The following CELF2 variants were observed in gnomAD, a reference collection of about 807,000 sequenced individuals.
CELF2 encodes the protein CUGBP Elav-like family member 2.
In CELF2, 8 loss-of-function variants were observed where a neutral mutation model predicts 62.6. The ratio of observed to expected loss-of-function variants is 0.13; its 90% CI spans 0.07 to 0.23. The LOEUF is 0.23. Among genes scored for constraint, CELF2 ranks in the 10% least tolerant of loss-of-function variants. CELF2 has a pLI of 1.00. For missense variants in CELF2, 333 were observed against 671.0 expected (o/e 0.50, Z 5.56); for synonymous variants, 258 against 250.0 (o/e 1.03, Z -0.30).
chr10:10,726,243 G>A, the CELF2 span, among the ~76,000 whole-genome samples: 32 of 152,164 alleles, frequency 2.1e-4, no homozygotes, highest in Non-Finnish European at 2.6e-4. Flanking sequence ...GAAGTAGAGG[G>A]TTGGCATCCA....
At chr10:11,083,307 A>C (rs2074524212) in intron 1 of CELF2, among the ~76,000 whole-genome samples, 1 of 152,236 alleles carries the variant, frequency 6.6e-6, no homozygotes, top group South Asian at 2.1e-4. Context: ...AATAATAGGA[A>C]ACAAATGTGT....
chr10:10,558,821 C>G, the CELF2 span, among the ~76,000 whole-genome samples: 9 of 152,078 alleles, frequency 5.9e-5, no homozygotes, highest in African/African-American at 1.9e-4. Context: ...AGTTATTTGC[C>G]TAGAGGGGTT....
At chr10:11,001,672 GT>G (rs1564340209), upstream of CELF2, among the ~76,000 whole-genome samples, 1 of 152,048 alleles carries the variant, frequency 6.6e-6, no homozygotes, top group East Asian at 1.9e-4. Flanking sequence ...TCTTCATCAA[GT>G]TTGCATTATT....
chr10:10,874,213 G>T (rs1014891438), intron 1 of CELF2, among the ~76,000 whole-genome samples: 2 of 152,090 alleles, frequency 1.3e-5, no homozygotes, highest in Non-Finnish European at 2.9e-5. Context: ...AACTACTTGG[G>T]AGGCTGAGGT....
chr10:10,736,658 ATTGAG>A, the CELF2 span, among the ~76,000 whole-genome samples: 2 of 151,720 alleles, frequency 1.3e-5, no homozygotes, highest in African/African-American at 2.4e-5. Context: ...TGGCAAGATG[ATTGAG>A]TTAAGAGGAA....
chr10:10,594,537 A>C, the CELF2 span, among the ~76,000 whole-genome samples: 2 of 152,206 alleles, frequency 1.3e-5, no homozygotes, highest in African/African-American at 4.8e-5. Flanking sequence ...CAACCAGAGG[A>C]AAGAAGAACA....
Position 11,227,638 on chromosome 10 carries a change from A to G in CELF2, c.354+10131A>G, listed in dbSNP as rs1238785924. Among the ~76,000 whole-genome samples the G allele has an allele frequency of 2.0e-5, 3 of 152,218 alleles. No homozygotes were observed. Among genetic ancestry groups the G allele is most frequent in the Non-Finnish European group, 2.9e-5 (2 of 68,034 alleles). Reference sequence around the variant, plus strand: ...TAGATTCGGCCGGAATCTAAGGGATAGAGATGTATCATGAGGTGGAAGCTC... The same window carrying G: ...TAGATTCGGCCGGAATCTAAGGGATGGAGATGTATCATGAGGTGGAAGCTC... On this transcript the variant is annotated intron_variant, in intron 3 of 12. Transcript: ENST00000633077. The surrounding 1 kb of genome is among the most constrained non-coding windows in gnomAD (Gnocchi z 4.8).
At chr10:11,320,393 C>T (rs916655913) in intron 10 of CELF2, among the ~76,000 whole-genome samples, 22 of 152,172 alleles carry the variant, frequency 1.4e-4, no homozygotes, top group African/African-American at 4.8e-4. Flanking sequence ...TTTCAGTGGC[C>T]GAAACCCCAG....
the CELF2 span, among the ~76,000 whole-genome samples, chr10:10,763,197 A>G: frequency 6.6e-6 from 1 of 152,232 alleles, no homozygotes; most frequent in African/African-American, 2.4e-5. Flanking sequence ...CACTAAGTGC[A>G]AAATGCTGGC....
chr10:11,111,980 A>G (rs2055296822), intron 1 of CELF2, among the ~76,000 whole-genome samples: 1 of 152,268 alleles, frequency 6.6e-6, no homozygotes, highest in Non-Finnish European at 1.5e-5. Flanking sequence ...TAAGGAAAAC[A>G]GGCTACATAT....
In CELF2 at chr10:10,815,636, A is replaced by G. The variant is rs556593310; in HGVS notation, c.53+16819A>G. Among the ~76,000 whole-genome samples, 3 of 152,268 alleles carry G rather than the reference A, an allele frequency of 2.0e-5. No individual in the cohort carries two copies. The South Asian group carries it at 6.2e-4, about 32-fold the overall frequency. On this transcript the variant is annotated intron_variant, in intron 1 of 13. Transcript: ENST00000636488. ...ATCCTTGTTTTAGGCTCTGTCTGCA[A>G]TCAAGCAGCTCTCTCCAGAGGATAA...
At chr10:11,085,627 A>C (rs115209899) in intron 1 of CELF2, among the ~76,000 whole-genome samples, 106 of 151,948 alleles carry the variant, frequency 7.0e-4, no homozygotes, top group Middle Eastern at 3.4e-3. Context: ...AGTTGACAGA[A>C]ACTGCCTAAA....
the CELF2 span, among the ~76,000 whole-genome samples, chr10:10,732,406 C>T: frequency 2.0e-5 from 3 of 152,242 alleles, no homozygotes; most frequent in South Asian, 4.2e-4. Context: ...AAAGGGAATT[C>T]CCCTTAAAGC....
upstream of CELF2, chr10:10,798,555 G>A: frequency 2.5e-6 from 1 of 392,202 alleles, no homozygotes; most frequent in Non-Finnish European, 4.5e-6. Context: ...TTAAAAGGTG[G>A]TGTGGAGCTG....
Position 11,306,527 on chromosome 10 carries a change from A to G in CELF2, c.977-7612A>G, listed in dbSNP as rs1011213875. Among the ~76,000 whole-genome samples the G allele has an allele frequency of 6.6e-6, 1 of 152,056 alleles. No homozygotes were observed. Among genetic ancestry groups the G allele is most frequent in the Non-Finnish European group, 1.5e-5 (1 of 68,004 alleles). On this transcript the variant is annotated intron_variant, in intron 9 of 12. Transcript: ENST00000633077. This position sits in a 1 kb window ranked among gnomAD's most constrained non-coding sequence, Gnocchi z 4.4. ...CTTGATCAAGGTTGGCTGTGTGACA[A>G]ATTGGAGTTTTTCTTATGCTTTAAA...
chr10:10,788,368 T>C, the CELF2 span, among the ~76,000 whole-genome samples: 1 of 150,324 alleles, frequency 6.7e-6, no homozygotes, highest in African/African-American at 2.4e-5. Flanking sequence ...AATAACTTAG[T>C]AAATAAGGAA....
chr10:10,930,733 A>G (rs1481854794), intron 2 of CELF2, among the ~76,000 whole-genome samples: 1 of 152,214 alleles, frequency 6.6e-6, no homozygotes, highest in Non-Finnish European at 1.5e-5. Flanking sequence ...TTGGGTGAAT[A>G]ATTTTTTTCC....
At chr10:11,201,515 C>T (rs1282442530) in intron 2 of CELF2, among the ~76,000 whole-genome samples, 2 of 152,202 alleles carry the variant, frequency 1.3e-5, no homozygotes, top group Non-Finnish European at 2.9e-5. Context: ...AAAGCTCTGG[C>T]TCTTAAGCAG....
intron 2 of CELF2, among the ~76,000 whole-genome samples, chr10:10,991,539 G>A (rs1289749988): frequency 6.6e-6 from 1 of 152,144 alleles, no homozygotes; most frequent in Admixed American, 6.5e-5. Context: ...GTGATAAACT[G>A]CCCATAACAA....
Sources: gnomAD v4.1 joint callset for allele counts (sites outside exome capture counted in the v4.1 genomes callset) on GRCh38, gnomAD v4.1.1 for gene constraint, Gnocchi (gnomAD v3.1) non-coding constraint, MANE v1.5 for transcripts, NCBI Gene and HGNC (gene_info 2026-07-23, HGNC 2026-07-21) for gene names.